The following ZNF737 variants were observed in gnomAD, a reference collection of about 807,000 sequenced individuals.
ZNF737 encodes the protein zinc finger protein 737.
A neutral mutation model predicts 11.7 loss-of-function variants in ZNF737; 13 were observed. The observed-to-expected ratio is 1.11, with a 90% confidence interval of 0.73 to 1.77. The LOEUF is 1.77. ZNF737 is among the 40% of genes most tolerant of loss of function. ZNF737 has a pLI of 0.00. For missense variants in ZNF737, 636 were observed against 638.0 expected (o/e 1.00, Z 0.03); for synonymous variants, 217 against 216.2 (o/e 1.00, Z -0.03).
At position 20,545,703 on chromosome 19, in the gene ZNF737, T is replaced by C; in HGVS notation, c.500A>G (p.His167Arg). The change falls in exon 4 of 4, where the codon CAT (histidine) becomes CGT (arginine). Residue 167 changes from histidine to arginine, a missense_variant. By Grantham distance (29) the His-to-Arg change is conservative. Coordinates refer to ENST00000427401, the MANE Select transcript of ZNF737 (RefSeq NM_001159293.2). Reference protein sequence around the residue: ...FSNSNRHKIRHTGKKPFKCIE... With the variant: ...FSNSNRHKIRRTGKKPFKCIE... Reference sequence around the variant, plus strand: ...ACATTTGAAAGGTTTTTTTCCAGTATGTCTTATCTTATGTCTGTTTGAATT... The same window carrying C: ...ACATTTGAAAGGTTTTTTTCCAGTACGTCTTATCTTATGTCTGTTTGAATT... The C allele has an allele frequency of 1.9e-6, 3 of 1,613,376 alleles. No individual in the cohort carries two copies.
At position 20,544,293 on chromosome 19, in the gene ZNF737, T is replaced by A. The variant is rs1968337702; in HGVS notation, c.*299A>T. 1 of 1,209,604 alleles carries A rather than the reference T, an allele frequency of 8.3e-7. No individual in the cohort carries two copies. The highest frequency in any genetic ancestry group is 1.6e-5 in the African/African-American group (1 of 64,344). 74.9% of individuals were successfully genotyped at this position (1,209,604 alleles called of 1,614,324 possible). A position where few individuals can be genotyped will look rare whatever the true frequency, so the allele number is the denominator to read the frequency against. Reference sequence around the variant, plus strand: ...TTATGTTCCATATAAATTCTCATATTTAGTAAAAGTTGATAGCTGGTTAAA... The same window carrying A: ...TTATGTTCCATATAAATTCTCATATATAGTAAAAGTTGATAGCTGGTTAAA... On this transcript the variant is annotated 3_prime_UTR_variant, in exon 4 of 4. Transcript: ENST00000427401.
Position 20,545,906 on chromosome 19 carries a change from T to G in ZNF737, c.297A>C (p.Thr99=), listed in dbSNP as rs1968438877. Residue 99 remains threonine (T), a synonymous_variant, in exon 4 of 4, where the codon ACA becomes ACC. Coordinates refer to ENST00000427401, the MANE Select transcript of ZNF737 (RefSeq NM_001159293.2). The part of the protein sequence containing the change: ...QSIKDSFQKV[T]LRRYENYGHD... ...GTCCATAGTTTTCATATCTTCTCAG[T>G]GTCACTTTTTGGAAAGAATCTTTTA... The G allele has an allele frequency of 1.3e-6, 2 of 1,599,464 alleles. No individual in the cohort carries two copies. The highest frequency in any genetic ancestry group is 8.5e-7 in the Non-Finnish European group (1 of 1,175,668).
intron 1 of ZNF737, among the ~76,000 whole-genome samples, chr19:20,564,775 C>T (rs2144715558): frequency 6.6e-6 from 1 of 151,612 alleles, no homozygotes; most frequent in Admixed American, 6.6e-5. Context: ...AATTAAGTGG[C>T]AGGCAATTAG....
downstream of ZNF737, among the ~76,000 whole-genome samples, chr19:20,534,494 G>A (rs1967911466): frequency 1.5e-5 from 2 of 133,918 alleles, no homozygotes; most frequent in African/African-American, 2.9e-5. Flanking sequence ...TCTATCTACT[G>A]TCAGAGGATG....
At chr19:20,550,030 C>G (rs1555757992) in intron 3 of ZNF737, among the ~76,000 whole-genome samples, 1 of 151,528 alleles carries the variant, frequency 6.6e-6, no homozygotes, top group Non-Finnish European at 1.5e-5. Context: ...CACTGTGTGG[C>G]AGTAAAATTT....
chr19:20,544,186 G>C lies in ZNF737; in HGVS notation c.*406C>G, dbSNP rs1555755780. 9.9e-7 allele frequency: 1 copy of C among 1,009,818 alleles called. No homozygotes were observed. The highest frequency in any genetic ancestry group is 1.2e-6 in the Non-Finnish European group (1 of 845,190). The allele number at this position is 1,009,818 out of a possible 1,614,324, so 62.6% of individuals were successfully genotyped here. A position where few individuals can be genotyped will look rare whatever the true frequency, so the allele number is the denominator to read the frequency against. Reference sequence around the variant, plus strand: ...TTTGCCACATTCCTCAAACTTGTAGGATTTTTGTCCAGCATGAATTATGTG... The same window carrying C: ...TTTGCCACATTCCTCAAACTTGTAGCATTTTTGTCCAGCATGAATTATGTG... On this transcript the variant is annotated 3_prime_UTR_variant, in exon 4 of 4. Transcript: ENST00000427401.
intron 1 of ZNF737, among the ~76,000 whole-genome samples, chr19:20,556,714 T>C (rs1178700080): frequency 2.0e-5 from 3 of 152,222 alleles, no homozygotes; most frequent in Non-Finnish European, 4.4e-5. Flanking sequence ...TAAAGTTTTA[T>C]ATTATTTGAT....
Position 20,544,969 on chromosome 19 carries a change from G to T in ZNF737, c.1234C>A (p.Leu412Ile), listed in dbSNP as rs782011387. 8 of 1,613,140 alleles carry T rather than the reference G, an allele frequency of 5.0e-6. No homozygotes were observed. The highest frequency in any genetic ancestry group is 6.8e-6 in the Non-Finnish European group (8 of 1,179,662). The part of the protein sequence containing the change: ...CGEAFKYSSS[L>I]TTHKIIHTGQ... Reference sequence around the variant, plus strand: ...GTATGGATTATCTTATGTGTAGTAAGGGAAGAGGAGTACTTAAAGGCTTCG... The same window carrying T: ...GTATGGATTATCTTATGTGTAGTAATGGAAGAGGAGTACTTAAAGGCTTCG... The change falls in exon 4 of 4, where the codon CTT becomes ATT. Residue 412 changes from leucine (L) to isoleucine (I), a missense_variant. By Grantham distance (5) the Leu-to-Ile change is conservative. Transcript: ENST00000427401.
downstream of ZNF737, among the ~76,000 whole-genome samples, chr19:20,537,511 A>ATTTTTTGTTTT (rs1968021483): frequency 1.3e-5 from 1 of 77,090 alleles, no homozygotes; most frequent in Non-Finnish European, 2.4e-5. Context: ...CTGGTTTTCT[A>ATTTTTTGTTTT]TTTTTTTTTT....
At chr19:20,563,851 GTAT>G (rs1462800528) in intron 1 of ZNF737, among the ~76,000 whole-genome samples, 2 of 152,084 alleles carry the variant, frequency 1.3e-5, no homozygotes, top group Non-Finnish European at 2.9e-5. Context: ...GAAAATATAT[GTAT>G]TATTTTATTA....
chr19:20,565,536 G>A, intron 1 of ZNF737, 102 bp downstream of exon 1: 1 of 1,583,954 alleles, frequency 6.3e-7, no homozygotes, highest in Non-Finnish European at 8.7e-7. Context: ...GGTGCAGATT[G>A]TGGAGCTGAC....
chr19:20,533,687 T>C (rs1967884063), downstream of ZNF737, among the ~76,000 whole-genome samples: 1 of 150,198 alleles, frequency 6.7e-6, no homozygotes, highest in South Asian at 2.2e-4. Flanking sequence ...TGGTATATAC[T>C]GTCCAGGTGA....
At chr19:20,547,665 G>A (rs782184307) in intron 3 of ZNF737, among the ~76,000 whole-genome samples, 6 of 151,706 alleles carry the variant, frequency 4.0e-5, no homozygotes, top group African/African-American at 7.3e-5. Context: ...CACAAGTGAG[G>A]AAAAGCATTT....
chr19:20,560,676 A>G (rs1386639725), intron 1 of ZNF737, among the ~76,000 whole-genome samples: 2 of 152,056 alleles, frequency 1.3e-5, no homozygotes, highest in African/African-American at 2.4e-5. Context: ...GCTACTCAGG[A>G]GGCTGAGGCA....
rs781944495 is a variant in ZNF737, at chr19:20,545,039, C to G, written c.1164G>C (p.Lys388Asn). Residue 388 changes from lysine to asparagine, a missense_variant, in exon 4 of 4, where the codon AAG becomes AAC. By Grantham distance (94) the Lys-to-Asn change is moderately conservative. Coordinates refer to ENST00000427401, the MANE Select transcript of ZNF737 (RefSeq NM_001159293.2). ...AGGGTTTCTCTCCAGTATGAATTCT[C>G]TTATGTGTAGTAAGGTGTGAGGACC... ...FNWSSHLTTHKRIHTGEKPYK... is the reference protein window; with the variant it reads ...FNWSSHLTTHNRIHTGEKPYK... 7 of 1,613,422 alleles carry G rather than the reference C, an allele frequency of 4.3e-6. No individual in the cohort carries two copies. The African/African-American group carries it at 9.4e-5, about 22-fold the overall frequency.
rs781938910 is a variant in ZNF737 at position 20,565,663 on chromosome 19, G to A, written c.-23C>T. ...CATTTCTAGGCTTCCAGGGGCTCCCGGGCGTCTTAGCTGTGGATCTCCCAA... is the reference window on the plus strand; with the variant it reads ...CATTTCTAGGCTTCCAGGGGCTCCCAGGCGTCTTAGCTGTGGATCTCCCAA... On this transcript the variant is annotated 5_prime_UTR_variant, in exon 1 of 4. Transcript: ENST00000427401. The A allele has an allele frequency of 1.3e-5, 21 of 1,614,014 alleles. No individual in the cohort carries two copies. Among genetic ancestry groups the A allele is most frequent in the East Asian group, 2.2e-5 (1 of 44,880 alleles).
chr19:20,535,970 G>A (rs1281615950), downstream of ZNF737: 3 of 606,424 alleles, frequency 4.9e-6, no homozygotes, highest in African/African-American at 6.0e-5. Flanking sequence ...ATTTTTCAGG[G>A]GTTATATTTT....
chr19:20,543,671 A>G lies in ZNF737; in HGVS notation c.*921T>C. The G allele has an allele frequency of 1.0e-6, 1 of 985,470 alleles. No individual in the cohort carries two copies. The highest frequency in any genetic ancestry group is 1.2e-6 in the Non-Finnish European group (1 of 829,910). 61.0% of individuals were successfully genotyped at this position (985,470 alleles called of 1,614,324 possible). ...ATCCAACCTACAATCAAGAGTGGCA[A>G]CCATATAAAGGCTTTGTCACATTTT... On this transcript the variant is annotated 3_prime_UTR_variant, in exon 4 of 4. Coordinates refer to ENST00000427401, the MANE Select transcript of ZNF737 (RefSeq NM_001159293.2).
rs568569124 is a variant in ZNF737, at chr19:20,544,464, T to G, written c.*128A>C. The stretch of plus-strand genomic sequence containing the variant: ...CCCGCATGAATTATCTAATGTCTAC[T>G]AAGGTTTGAGGATGAAATAAAGGCT... On this transcript the variant is annotated 3_prime_UTR_variant, in exon 4 of 4. Transcript: ENST00000427401. 1 of 1,506,592 alleles carries G rather than the reference T, an allele frequency of 6.6e-7. No individual in the cohort carries two copies. Among genetic ancestry groups the G allele is most frequent in the African/African-American group, 1.4e-5 (1 of 71,384 alleles). 93.3% of individuals were successfully genotyped at this position (1,506,592 alleles called of 1,614,324 possible).
Sources: allele counts gnomAD v4.1 joint callset (sites outside exome capture counted in the v4.1 genomes callset), GRCh38; gene constraint gnomAD v4.1.1; transcripts MANE v1.5; gene names NCBI Gene and HGNC (gene_info 2026-07-23, HGNC 2026-07-21).